The following UBXN8 variants were observed in gnomAD, a reference collection of about 807,000 sequenced individuals.
UBXN8 encodes UBX domain-containing protein 8.
A neutral mutation model predicts 32.1 loss-of-function variants in UBXN8; 27 were observed. The observed-to-expected ratio is 0.84, with a 90% confidence interval of 0.62 to 1.16. The LOEUF (loss-of-function observed/expected upper bound fraction) is 1.16, where lower values mean the gene tolerates loss of function less well. Among genes scored for constraint, UBXN8 ranks in the 50% most tolerant of loss-of-function variants. The pLI is 0.00. For missense variants in UBXN8, 306 were observed against 311.4 expected, an observed-to-expected ratio of 0.98 and a Z score of 0.13; for synonymous variants, 109 against 111.8, an observed-to-expected ratio of 0.98 and a Z score of 0.16.
upstream of UBXN8, among the ~76,000 whole-genome samples, chr8:30,731,833 A>G (rs1586081956): frequency 6.6e-6 from 1 of 152,040 alleles, no homozygotes; most frequent in South Asian, 2.1e-4. Context: ...CTTTGGAATT[A>G]TAGTTCCTTG....
intron 5 of UBXN8, among the ~76,000 whole-genome samples, chr8:30,757,752 A>G: frequency 6.7e-6 from 1 of 149,770 alleles, no homozygotes; most frequent in East Asian, 2.0e-4. Context: ...CCAGCTACTC[A>G]GGAGGCTGAA....
chr8:30,750,404 G>A (rs561156846), intron 1 of UBXN8, among the ~76,000 whole-genome samples: 2 of 152,280 alleles, frequency 1.3e-5, no homozygotes, highest in South Asian at 4.1e-4. Context: ...AGCCCCAGGA[G>A]GTTGAGGCTG....
chr8:30,758,446 CTAAGT>C (rs991746406), intron 5 of UBXN8, among the ~76,000 whole-genome samples: 4 of 152,172 alleles, frequency 2.6e-5, no homozygotes, highest in Non-Finnish European at 1.5e-5. Flanking sequence ...CAATCCTTAA[CTAAGT>C]TAATTCCAAT....
chr8:30,732,227 T>G, upstream of UBXN8: 1 of 385,700 alleles, frequency 2.6e-6, no homozygotes. Flanking sequence ...CTAGGCTGCG[T>G]GTTGCTCCAG....
At position 30,755,041 on chromosome 8, in the gene UBXN8, C is replaced by T. The variant is rs369095606; in HGVS notation, c.405+254C>T. Among the ~76,000 whole-genome samples the T allele has an allele frequency of 3.8e-3, 574 of 150,968 alleles. 2 individuals are homozygous for T. Among genetic ancestry groups the T allele is most frequent in the African/African-American group, 0.013 (527 of 41,086 alleles). ...CACAATCTCGGCTCACTGCAAGCTC[C>T]GCCTCCCAGGTTCATGCCATTCTCC... is the stretch of plus-strand genomic sequence containing the variant. On this transcript the variant is annotated intron_variant, in intron 4 of 7. Coordinates refer to ENST00000265616, the MANE Select transcript of UBXN8 (RefSeq NM_005671.4).
At chr8:30,744,088 C>A, upstream of UBXN8, 1 of 993,846 alleles carries the variant, frequency 1.0e-6, no homozygotes, top group Non-Finnish European at 1.5e-6. Context: ...ACGTTATTGA[C>A]CCTCTCCCAG....
chr8:30,749,070 CA>C (rs1805441436), intron 1 of UBXN8, among the ~76,000 whole-genome samples: 1 of 152,082 alleles, frequency 6.6e-6, no homozygotes, highest in South Asian at 2.1e-4. Flanking sequence ...GATTTCTGCT[CA>C]AATAATTTTC....
upstream of UBXN8, among the ~76,000 whole-genome samples, chr8:30,739,401 G>A (rs531721756): frequency 1.4e-4 from 21 of 150,380 alleles, no homozygotes; most frequent in Non-Finnish European, 3.0e-4. Flanking sequence ...AAAATTAGCC[G>A]GGCGTGGTGG....
chr8:30,748,401 G>A (rs1291399339), intron 1 of UBXN8, among the ~76,000 whole-genome samples: 2 of 151,344 alleles, frequency 1.3e-5, no homozygotes, highest in South Asian at 2.1e-4. Context: ...TGGAGGTTGT[G>A]GCTGCAGTGA....
intron 5 of UBXN8, among the ~76,000 whole-genome samples, chr8:30,760,649 T>C (rs188666500): frequency 1.1e-3 from 172 of 151,968 alleles, no homozygotes; most frequent in African/African-American, 3.6e-3. Context: ...ATCCTTTAAG[T>C]ATGTATAGAT....
chr8:30,735,095 T>G (rs973535193), intron 1 of UBXN8, among the ~76,000 whole-genome samples: 2 of 152,246 alleles, frequency 1.3e-5, no homozygotes, highest in East Asian at 1.9e-4. Flanking sequence ...AAATAAATAC[T>G]GTACTGTTAT....
chr8:30,739,550 T>G (rs543437056), upstream of UBXN8, among the ~76,000 whole-genome samples: 3 of 151,878 alleles, frequency 2.0e-5, no homozygotes, highest in African/African-American at 7.2e-5. Flanking sequence ...TCTCAAAAAA[T>G]AAAAATAAAA....
chr8:30,742,100 T>C (rs1805215933), upstream of UBXN8, among the ~76,000 whole-genome samples: 1 of 151,746 alleles, frequency 6.6e-6, no homozygotes, highest in Admixed American at 6.6e-5. Context: ...ACTGTAGAAC[T>C]TTCTTTCCTG....
At chr8:30,752,435 G>C (rs1805542284) in intron 2 of UBXN8, among the ~76,000 whole-genome samples, 2 of 152,126 alleles carry the variant, frequency 1.3e-5, no homozygotes, top group South Asian at 4.1e-4. Flanking sequence ...AGCTTCCCGA[G>C]TAGTTGGGAC....
rs2128752860 is a variant in UBXN8 at position 30,744,279 on chromosome 8, T to G, written c.88+2T>G. On this transcript the variant is annotated splice_donor_variant, in intron 1 of 7. Transcript: ENST00000265616. LOFTEE classifies it high-confidence loss of function. ...TCCGGCGTGGGATCCCGGATATAGG[T>G]AAGTGTGACTTTTTCCCTTCGACAG... is the stretch of plus-strand genomic sequence containing the variant. 2.5e-6 allele frequency: 4 copies of G among 1,613,092 alleles called. No homozygotes were observed. Among genetic ancestry groups the G allele is most frequent in the Non-Finnish European group, 3.4e-6 (4 of 1,179,492 alleles).
In UBXN8 at chr8:30,766,231, T is replaced by C; in HGVS notation, c.650T>C (p.Leu217Ser). Residue 217 changes from leucine to serine, a missense_variant, in exon 8 of 8, where the codon TTA becomes TCA. Transcript: ENST00000265616. Reference sequence around the variant, plus strand: ...GCCAAGCTTTTCATCTTCTAGGTCTTATTTGACTGGATGACGAGAATTGGG... The same window carrying C: ...GCCAAGCTTTTCATCTTCTAGGTCTCATTTGACTGGATGACGAGAATTGGG... ...RFLKSYSSQV[L>S]FDWMTRIGYH... 6.2e-7 allele frequency: 1 copy of C among 1,611,222 alleles called. No homozygotes were observed. Among genetic ancestry groups the C allele is most frequent in the East Asian group, 2.2e-5 (1 of 44,762 alleles).
At chr8:30,754,509 C>T (rs908047882) in intron 3 of UBXN8, 156 bp from the exon 4 acceptor site, 36 of 957,316 alleles carry the variant, frequency 3.8e-5, no homozygotes, top group Admixed American at 7.1e-5. Context: ...GCTGTCGGCA[C>T]GAGCCTCCCC....
In UBXN8 at chr8:30,747,086, T is replaced by C. The variant is rs182252976; in HGVS notation, c.88+2809T>C. ...AGGAGAATCGCTGGAACCCGGGAGG[T>C]GGAGGTTGCAGTGAGCCGAGATCAC... On this transcript the variant is annotated intron_variant, in intron 1 of 7. Transcript: ENST00000265616. Among the ~76,000 whole-genome samples the C allele has an allele frequency of 5.9e-3, 788 of 133,924 alleles. 131 individuals are homozygous for C. Among genetic ancestry groups the C allele is most frequent in the African/African-American group, 0.02 (701 of 34,210 alleles). The allele number at this position is 133,924 out of a possible 152,430, so 87.9% of individuals were successfully genotyped here.
At chr8:30,743,316 C>T (rs953017833), upstream of UBXN8, among the ~76,000 whole-genome samples, 1 of 151,848 alleles carries the variant, frequency 6.6e-6, no homozygotes, top group African/African-American at 2.4e-5. Flanking sequence ...CCACCACACC[C>T]GGCTAATTTT....
Sources: gnomAD v4.1 joint callset for allele counts (sites outside exome capture counted in the v4.1 genomes callset) on GRCh38, gnomAD v4.1.1 for gene constraint, MANE v1.5 for transcripts, NCBI Gene and HGNC (gene_info 2026-07-23, HGNC 2026-07-21) for gene names.